Variants in ECD observed in about 807,000 individuals in gnomAD.
The protein encoded by ECD is ecdysoneless cell cycle regulator, also known as protein ecdysoneless homolog.
Under a neutral mutation model 77.2 loss-of-function variants are expected in ECD, and 59 were observed. That is an observed-to-expected ratio of 0.76 (90% CI 0.62 to 0.95). The LOEUF (loss-of-function observed/expected upper bound fraction) is 0.95, where lower values mean the gene tolerates loss of function less well. ECD is among the 40% of genes least tolerant of loss of function. The pLI, the probability that ECD is intolerant of heterozygous loss-of-function variation, is 0.00. For synonymous variants in ECD, 233 were observed against 267.4 expected (o/e 0.87, Z 1.26); for missense variants, 704 against 763.4 (o/e 0.92, Z 0.92).
At chr10:73,159,707 G>A (rs1033190094) in intron 3 of ECD, among the ~76,000 whole-genome samples, 3 of 144,254 alleles carry the variant, frequency 2.1e-5, no homozygotes, top group African/African-American at 7.9e-5. Context: ...GCAATGGCGC[G>A]ATCTCGGCTC....
chr10:73,164,005 T>G (rs1392190567), intron 1 of ECD, 55 bp from the exon 2 acceptor site: 32 of 1,485,074 alleles, frequency 2.2e-5, no homozygotes, highest in Non-Finnish European at 3.0e-5. Context: ...AAGTAACATC[T>G]GAACTCTTTT....
intron 3 of ECD, among the ~76,000 whole-genome samples, chr10:73,156,857 G>T (rs535912019): frequency 1.3e-5 from 2 of 152,064 alleles, no homozygotes; most frequent in South Asian, 2.1e-4. Context: ...AGGAGTTGAA[G>T]GTAGATATGA....
At chr10:73,167,072 C>T (rs948992679) in intron 1 of ECD, among the ~76,000 whole-genome samples, 7 of 152,178 alleles carry the variant, frequency 4.6e-5, no homozygotes, top group Non-Finnish European at 7.3e-5. Flanking sequence ...AAGAGACTGT[C>T]TTTTCCCCAA....
At chr10:73,148,521 G>T in intron 7 of ECD, 117 bp from the exon 8 acceptor site, 1 of 1,083,174 alleles carries the variant, frequency 9.2e-7, no homozygotes, top group Non-Finnish European at 1.3e-6. Context: ...GGATACATGG[G>T]CATTTGGACA....
In ECD at chr10:73,160,466, C is replaced by A; in HGVS notation, c.291G>T (p.Gln97His). 6.2e-7 allele frequency: 1 copy of A among 1,604,314 alleles called. No individual in the cohort carries two copies. The highest frequency in any genetic ancestry group is 1.7e-5 in the Admixed American group (1 of 58,204). Residue 97 changes from glutamine (Q) to histidine (H), a missense_variant, in exon 3 of 14, where the codon CAG (glutamine) becomes CAT (histidine). Coordinates refer to ENST00000372979, the MANE Select transcript of ECD (RefSeq NM_007265.3). ...DEWFIVYVIK[Q>H]ITKEFPELVA... ...CTAACTCTGGAAATTCCTTTGTGAT[C>A]TGCTTTATTACATAAACAATAAACC...
In ECD at chr10:73,163,796, G is replaced by C; in HGVS notation, c.142C>G (p.Pro48Ala). 4 of 1,614,112 alleles carry C rather than the reference G, an allele frequency of 2.5e-6. No individual in the cohort carries two copies. The highest frequency in any genetic ancestry group is 3.4e-6 in the Non-Finnish European group (4 of 1,180,032). The change falls in exon 2 of 14, where the codon CCT becomes GCT. Residue 48 changes from proline (P) to alanine (A), a missense_variant. By Grantham distance (27) the Pro-to-Ala change is conservative. Around this residue, in one of 3 missense-constraint regions of ECD, gnomAD observed 559 missense variants for 583.7 expected, o/e 0.96. Coordinates refer to ENST00000372979, the MANE Select transcript of ECD (RefSeq NM_007265.3). ...YIERIITRFA[P>A]MLVPYIWQNQ... ...TGCCAGATGTAGGGGACCAGCATAG[G>C]TGCAAACCGAGTGATTATTCTCTCA...
chr10:73,137,096 G>A (rs900390219), intron 12 of ECD, among the ~76,000 whole-genome samples, 178 bp from the exon 13 acceptor site: 2 of 151,716 alleles, frequency 1.3e-5, no homozygotes, highest in African/African-American at 4.8e-5. Flanking sequence ...AATGCTGGCA[G>A]ATATGTGTGC....
At chr10:73,161,370 A>AG (rs1394803204) in intron 2 of ECD, among the ~76,000 whole-genome samples, 1 of 152,176 alleles carries the variant, frequency 6.6e-6, no homozygotes, top group African/African-American at 2.4e-5. Context: ...GAAATGAAAG[A>AG]GGGGACAGTA....
In ECD at chr10:73,157,206, T is replaced by TG. The variant is rs540381443; in HGVS notation, c.324-552dup. Among the ~76,000 whole-genome samples, 422 of 151,812 alleles carry TG rather than the reference T, an allele frequency of 2.8e-3. 1 individual carries two copies. The highest frequency in any genetic ancestry group is 9.8e-3 in the African/African-American group (407 of 41,448). On this transcript the variant is annotated intron_variant, in intron 3 of 13. Coordinates refer to ENST00000372979, the MANE Select transcript of ECD (RefSeq NM_007265.3). ...TTGGGATTACAAGTGCCCGCCATCA[T>TG]GCCCAGCTAATTTTTGTATTTTTAG...
chr10:73,160,030 T>C (rs1309884858), intron 3 of ECD, among the ~76,000 whole-genome samples: 6 of 151,382 alleles, frequency 4.0e-5, no homozygotes, highest in African/African-American at 1.5e-4. Flanking sequence ...TACGCCTGTA[T>C]TCCCAGCACT....
At chr10:73,137,403 A>T (rs1842988421) in intron 12 of ECD, among the ~76,000 whole-genome samples, 1 of 152,212 alleles carries the variant, frequency 6.6e-6, no homozygotes, top group African/African-American at 2.4e-5. Flanking sequence ...TTGTAAGTAC[A>T]GTAATTCCAA....
chr10:73,160,886 G>A (rs1843366756), intron 2 of ECD, among the ~76,000 whole-genome samples: 1 of 152,222 alleles, frequency 6.6e-6, no homozygotes, highest in Non-Finnish European at 1.5e-5. Flanking sequence ...CAAAGGCACA[G>A]AGGCATGATG....
chr10:73,164,539 C>T (rs2133277331), intron 1 of ECD, among the ~76,000 whole-genome samples: 1 of 152,142 alleles, frequency 6.6e-6, no homozygotes, highest in African/African-American at 2.4e-5. Context: ...ATGATCACAG[C>T]TCATTGCAAC....
intron 1 of ECD, among the ~76,000 whole-genome samples, chr10:73,165,618 G>GT (rs58191783): frequency 0.16 from 22,700 of 143,722 alleles, 2,759 homozygotes; most frequent in African/African-American, 0.32. Flanking sequence ...CCAAAGTGCT[G>GT]TTTTTTTTTT....
chr10:73,142,632 CAAA>C (rs35853120), intron 9 of ECD, among the ~76,000 whole-genome samples: 2 of 74,014 alleles, frequency 2.7e-5, no homozygotes, highest in Non-Finnish European at 3.4e-5. Flanking sequence ...GACTCCATCT[CAAA>C]AAAAAAAAAA....
intron 13 of ECD, among the ~76,000 whole-genome samples, chr10:73,135,768 A>AT (rs1842968765): frequency 6.6e-6 from 1 of 151,066 alleles, no homozygotes; most frequent in African/African-American, 2.4e-5. Flanking sequence ...AATAATAATA[A>AT]AAAAAAGGAA....
chr10:73,148,025 G>C (rs1053858866), intron 8 of ECD, among the ~76,000 whole-genome samples: 3 of 152,094 alleles, frequency 2.0e-5, no homozygotes, highest in Non-Finnish European at 4.4e-5. Context: ...GTTTTTGCAA[G>C]TTGTTTTATC....
At position 73,134,305 on chromosome 10, in the gene ECD, G is replaced by A. The variant is rs371359757; in HGVS notation, c.*278C>T. 2.2e-4 allele frequency: 79 copies of A among 351,436 alleles called. No individual in the cohort carries two copies. In the South Asian group the frequency reaches 4.1e-3, roughly 18 times the overall value. 21.8% of individuals were successfully genotyped at this position (351,436 alleles called of 1,614,324 possible). A position where few individuals can be genotyped will look rare whatever the true frequency, so the allele number is the denominator to read the frequency against. ...TTTAGAATTACTCCAAGGGTATATTGTGGTAGGGTATGTCTTTAGCATGAA... is the reference window on the plus strand; with the variant it reads ...TTTAGAATTACTCCAAGGGTATATTATGGTAGGGTATGTCTTTAGCATGAA... On this transcript the variant is annotated 3_prime_UTR_variant, in exon 14 of 14. Transcript: ENST00000372979.
At position 73,134,397 on chromosome 10, in the gene ECD, T is replaced by C; in HGVS notation, c.*186A>G. ...TACCCTGCCGAGTTCAAAACCTGTG[T>C]ATAACCCACAGCTGAGATCACAAAG... On this transcript the variant is annotated 3_prime_UTR_variant, in exon 14 of 14. Coordinates refer to ENST00000372979, the MANE Select transcript of ECD (RefSeq NM_007265.3). 1 of 611,588 alleles carries C rather than the reference T, an allele frequency of 1.6e-6. No individual in the cohort carries two copies. The highest frequency in any genetic ancestry group is 2.8e-6 in the Non-Finnish European group (1 of 353,216). The allele number at this position is 611,588 out of a possible 1,614,324, so 37.9% of individuals were successfully genotyped here. A position where few individuals can be genotyped will look rare whatever the true frequency, so the allele number is the denominator to read the frequency against.
Sources: allele counts gnomAD v4.1 joint callset (sites outside exome capture counted in the v4.1 genomes callset), GRCh38; gene constraint gnomAD v4.1.1; regional missense constraint gnomAD v4.1.1; transcripts MANE v1.5; gene names NCBI Gene and HGNC (gene_info 2026-07-23, HGNC 2026-07-21).